The following DMXL2 variants were observed in gnomAD, a reference collection of about 807,000 sequenced individuals.
DMXL2 encodes Dmx like 2, also known as dmX-like protein 2.
DMXL2 carries 103 observed loss-of-function variants against 331.1 expected under a neutral mutation model. The observed-to-expected ratio is 0.31, with a 90% CI of 0.27 to 0.37. The LOEUF (loss-of-function observed/expected upper bound fraction) is 0.37, where lower values mean the gene tolerates loss of function less well. Ranked by LOEUF, DMXL2 falls within the 10% of genes least tolerant of loss-of-function variation. DMXL2 has a pLI of 1.00. For missense variants in DMXL2, 3,171 were observed against 3,642.9 expected (o/e 0.87, Z 3.33); for synonymous variants, 1,281 against 1,252.1 (o/e 1.02, Z -0.49).
chr15:51,588,387 G>A (rs2141219190), intron 1 of DMXL2, among the ~76,000 whole-genome samples: 1 of 152,138 alleles, frequency 6.6e-6, no homozygotes, highest in Non-Finnish European at 1.5e-5. Flanking sequence ...TCGAACTCCT[G>A]GGCTCAAGTG....
At chr15:51,620,362 G>A (rs1165683438) in intron 1 of DMXL2, among the ~76,000 whole-genome samples, 4 of 152,242 alleles carry the variant, frequency 2.6e-5, no homozygotes, top group African/African-American at 9.6e-5. Context: ...CCTAAACCAC[G>A]TAAATTTTGA....
chr15:51,528,285 G>A (rs1447217390), intron 13 of DMXL2, among the ~76,000 whole-genome samples: 2 of 152,182 alleles, frequency 1.3e-5, no homozygotes, highest in East Asian at 3.9e-4. Flanking sequence ...GACATATAGT[G>A]GCTGAATGGG....
chr15:51,590,206 C>T (rs1203633379), intron 1 of DMXL2, among the ~76,000 whole-genome samples: 1 of 152,222 alleles, frequency 6.6e-6, no homozygotes, highest in Non-Finnish European at 1.5e-5. Flanking sequence ...AAAGAGTGAA[C>T]TGGGTCAGAT....
chr15:51,541,172 T>A (rs2124875), intron 9 of DMXL2, among the ~76,000 whole-genome samples: 67,334 of 151,872 alleles, frequency 0.44, 15,492 homozygotes, highest in Non-Finnish European at 0.5. Flanking sequence ...GAAAGGATAA[T>A]ATAAGCAAAA....
chr15:51,600,720 C>A (rs2053166625), intron 1 of DMXL2, among the ~76,000 whole-genome samples: 1 of 152,180 alleles, frequency 6.6e-6, no homozygotes, highest in Non-Finnish European at 1.5e-5. Flanking sequence ...GTCAAATAAA[C>A]TGGACACGGA....
chr15:51,467,936 C>T (rs1421391540), intron 29 of DMXL2, among the ~76,000 whole-genome samples: 6 of 152,146 alleles, frequency 3.9e-5, no homozygotes, highest in Admixed American at 3.9e-4. Context: ...CCGTGTTAGC[C>T]AGGATGGTCC....
chr15:51,540,532 G>A (rs1298194818), intron 9 of DMXL2, among the ~76,000 whole-genome samples: 1 of 151,950 alleles, frequency 6.6e-6, no homozygotes, highest in Non-Finnish European at 1.5e-5. Context: ...CAGAGGAGGA[G>A]AACAAAAGAA....
chr15:51,502,231 TA>T (rs531734454), intron 17 of DMXL2, among the ~76,000 whole-genome samples: 168 of 114,778 alleles, frequency 1.5e-3, no homozygotes, highest in Admixed American at 2.2e-3. Flanking sequence ...AGACTCCGTC[TA>T]AAAAAAAAAA....
intron 33 of DMXL2, among the ~76,000 whole-genome samples, chr15:51,461,276 T>G (rs564017008): frequency 2.0e-5 from 3 of 151,978 alleles, no homozygotes; most frequent in African/African-American, 7.2e-5. Flanking sequence ...GAAGGGAGAC[T>G]AAGGGGCGGA....
At chr15:51,494,314 G>A (rs1308311191) in intron 19 of DMXL2, among the ~76,000 whole-genome samples, 1 of 152,148 alleles carries the variant, frequency 6.6e-6, no homozygotes, top group Non-Finnish European at 1.5e-5. Context: ...AGTGTATCAA[G>A]CCTAGTGTTC....
chr15:51,499,193 A>C lies in DMXL2; in HGVS notation c.4031T>G (p.Leu1344Arg). Residue 1344 changes from leucine to arginine, a missense_variant, in exon 18 of 44, where the codon CTT becomes CGT. Transcript: ENST00000560891. ...FEAAHVLSPT[L>R]PQYHPTQLLE... ...CAGCTGAGTTGGATGATATTGTGGA[A>C]GAGTAGGGGAAAGTACATGTGCAGC... The C allele has an allele frequency of 6.2e-7, 1 of 1,614,108 alleles. No individual in the cohort carries two copies. Among genetic ancestry groups the C allele is most frequent in the African/African-American group, 1.3e-5 (1 of 75,056 alleles).
chr15:51,621,332 G>C (rs1449755917), intron 1 of DMXL2, among the ~76,000 whole-genome samples: 1 of 152,216 alleles, frequency 6.6e-6, no homozygotes, highest in Non-Finnish European at 1.5e-5. Context: ...TGATTCTGCA[G>C]TTTTGCTGAA....
chr15:51,459,259 G>T, intron 34 of DMXL2: 1 of 206,102 alleles, frequency 4.9e-6, no homozygotes, highest in South Asian at 8.3e-5. Context: ...ACTTCGAAAG[G>T]AATAAAAGAG....
At chr15:51,511,046 G>C (rs1460947886) in intron 15 of DMXL2, among the ~76,000 whole-genome samples, 1 of 152,164 alleles carries the variant, frequency 6.6e-6, no homozygotes, top group Non-Finnish European at 1.5e-5. Context: ...ATTAACTCAA[G>C]AGGGACTGAA....
intron 28 of DMXL2, among the ~76,000 whole-genome samples, chr15:51,471,832 G>T (rs1197343987): frequency 1.3e-5 from 2 of 152,166 alleles, no homozygotes; most frequent in Non-Finnish European, 2.9e-5. Flanking sequence ...AATAATCAAA[G>T]AAGGTTTGGG....
At chr15:51,460,596 ATT>A in intron 33 of DMXL2, 1 of 157,202 alleles carries the variant, frequency 6.4e-6, no homozygotes, top group Non-Finnish European at 1.4e-5. Flanking sequence ...TTTCTCAGGG[ATT>A]TTTTTTAAAT....
chr15:51,549,641 T>C (rs966324070), intron 6 of DMXL2, among the ~76,000 whole-genome samples: 1 of 152,142 alleles, frequency 6.6e-6, no homozygotes, highest in African/African-American at 2.4e-5. Context: ...GGTTTTTTGA[T>C]TATGGCCATT....
At chr15:51,452,196 A>AGAT (rs1159322255) in intron 41 of DMXL2, among the ~76,000 whole-genome samples, 1 of 152,206 alleles carries the variant, frequency 6.6e-6, no homozygotes, top group Non-Finnish European at 1.5e-5. Context: ...AAATTCTAGA[A>AGAT]GATAACATCA....
intron 1 of DMXL2, among the ~76,000 whole-genome samples, chr15:51,610,661 G>A (rs2053899524): frequency 6.6e-6 from 1 of 151,944 alleles, no homozygotes; most frequent in South Asian, 2.1e-4. Flanking sequence ...CCAGCTACTT[G>A]GGAGGCTAAG....
Sources: gnomAD v4.1 joint callset for allele counts (sites outside exome capture counted in the v4.1 genomes callset) on GRCh38, gnomAD v4.1.1 for gene constraint, MANE v1.5 for transcripts, NCBI Gene and HGNC (gene_info 2026-07-23, HGNC 2026-07-21) for gene names.